The following BRCA2 variants were observed in gnomAD, a reference collection of about 807,000 sequenced individuals.
BRCA2 encodes the protein breast cancer type 2 susceptibility protein.
Under a neutral mutation model 276.7 loss-of-function variants are expected in BRCA2, and 203 were observed. The ratio of observed to expected loss-of-function variants is 0.73; its 90% CI spans 0.65 to 0.82. The LOEUF is 0.82. Ranked by LOEUF, BRCA2 falls within the 40% of genes least tolerant of loss-of-function variation. BRCA2 has a pLI of 0.00. For synonymous variants in BRCA2, 1,289 were observed against 1,338.4 expected (o/e 0.96, Z 0.81); for missense variants, 3,920 against 3,915.0 (o/e 1.00, Z -0.03).
At chr13:32,347,797 G>A (rs2137543287) in intron 13 of BRCA2, among the ~76,000 whole-genome samples, 1 of 152,240 alleles carries the variant, frequency 6.6e-6, no homozygotes, top group East Asian at 1.9e-4. Context: ...TGACAGTTGA[G>A]GATACTCAGA....
In BRCA2 at chr13:32,399,639, G is replaced by C. The variant is rs2073067842; in HGVS notation, c.*869G>C. The C allele has an allele frequency of 5.6e-6, 1 of 177,196 alleles. No homozygotes were observed. Among genetic ancestry groups the C allele is most frequent in the South Asian group, 2.0e-4 (1 of 5,012 alleles). The allele number at this position is 177,196 out of a possible 1,614,324, so 11.0% of individuals were successfully genotyped here. ...AAAATGGTCATCCAAACTCAAACTT[G>C]AGAAAATATCTTGCTTTCAAATTGG... On this transcript the variant is annotated 3_prime_UTR_variant, in exon 27 of 27. Coordinates refer to ENST00000380152, the MANE Select transcript of BRCA2 (RefSeq NM_000059.4).
At chr13:32,382,836 G>C (rs1461503267) in intron 24 of BRCA2, among the ~76,000 whole-genome samples, 9 of 152,220 alleles carry the variant, frequency 5.9e-5, no homozygotes, top group African/African-American at 2.2e-4. Context: ...AGGAACAGCT[G>C]TGGGGCACTG....
intron 4 of BRCA2, among the ~76,000 whole-genome samples, chr13:32,325,629 C>T (rs1244122671): frequency 6.6e-6 from 1 of 151,690 alleles, no homozygotes; most frequent in African/African-American, 2.4e-5. Context: ...CAAGCTCCGC[C>T]TCCCGGGTTC....
rs1454116100 is a variant in BRCA2 at position 32,346,817 on chromosome 13, T to C, written c.6938-10T>C. On this transcript the variant is annotated splice_polypyrimidine_tract_variant and intron_variant, in intron 12 of 26. Transcript: ENST00000380152. ...TAACTAATATGTAATATAAAATAAT[T>C]GTTTCCTAGGCACAATAAAAGATCG... The C allele has an allele frequency of 6.3e-7, 1 of 1,596,204 alleles. No homozygotes were observed. The highest frequency in any genetic ancestry group is 8.6e-7 in the Non-Finnish European group (1 of 1,167,092).
intron 7 of BRCA2, 46 bp from the exon 8 acceptor site, chr13:32,329,397 G>T: frequency 7.1e-7 from 1 of 1,405,130 alleles, no homozygotes; most frequent in Non-Finnish European, 9.9e-7. Flanking sequence ...ATAAGTTTTT[G>T]CATTCTAGTG....
chr13:32,367,640 C>G (rs1053327249), intron 18 of BRCA2, among the ~76,000 whole-genome samples: 4 of 151,876 alleles, frequency 2.6e-5, no homozygotes, highest in Non-Finnish European at 5.9e-5. Flanking sequence ...ACAAAAAATA[C>G]AAAAATTAAC....
intron 12 of BRCA2, among the ~76,000 whole-genome samples, chr13:32,345,800 A>G (rs2137539418): frequency 6.6e-6 from 1 of 152,142 alleles, no homozygotes; most frequent in East Asian, 1.9e-4. Context: ...TGCATAAGAC[A>G]ATTTAAATTG....
At chr13:32,373,467 C>A (rs985441522) in intron 20 of BRCA2, among the ~76,000 whole-genome samples, 1 of 151,864 alleles carries the variant, frequency 6.6e-6, no homozygotes, top group African/African-American at 2.4e-5. Flanking sequence ...AATCACACCA[C>A]TGCACTCTAG....
Position 32,339,274 on chromosome 13 carries a change from A to G in BRCA2, c.4919A>G (p.His1640Arg), listed in dbSNP as rs373483754. Residue 1640 changes from histidine (H) to arginine (R), a missense_variant, in exon 11 of 27, where the codon CAT (histidine) becomes CGT (arginine). Coordinates refer to ENST00000380152, the MANE Select transcript of BRCA2 (RefSeq NM_000059.4). ...AGTATCTTTTTGAAAGTTAAAGTAC[A>G]TGAAAATGTAGAAAAAGAAACAGCA... ...SKSIFLKVKV[H>R]ENVEKETAKS... is the part of the protein sequence containing the mutation. The G allele has an allele frequency of 1.9e-6, 3 of 1,609,418 alleles. No homozygotes were observed.
At chr13:32,342,001 G>A (rs2072574853) in intron 11 of BRCA2, among the ~76,000 whole-genome samples, 1 of 152,244 alleles carries the variant, frequency 6.6e-6, no homozygotes, top group Admixed American at 6.5e-5. Flanking sequence ...GGCTGGGCGT[G>A]GCGCTCATGC....
rs1245870071 is a variant in BRCA2 at position 32,367,663 on chromosome 13, CAT to C, written c.8332-2738_8332-2737del. On this transcript the variant is annotated intron_variant, in intron 18 of 26. Transcript: ENST00000380152. ...TACAAAAATTAACCAGGTGTGGTGGCATGTGCCTATAGTCCCAGCTACTTGAG... is the reference window on the plus strand; with the variant it reads ...TACAAAAATTAACCAGGTGTGGTGGCGTGCCTATAGTCCCAGCTACTTGAG... Among the ~76,000 whole-genome samples, 3 of 151,882 alleles carry C rather than the reference CAT, an allele frequency of 2.0e-5. No individual in the cohort carries two copies. The East Asian group carries it at 5.9e-4, about 30-fold the overall frequency.
chr13:32,383,643 T>G (rs1425058678), intron 24 of BRCA2, among the ~76,000 whole-genome samples: 1 of 152,068 alleles, frequency 6.6e-6, no homozygotes, highest in Non-Finnish European at 1.5e-5. Context: ...TGGGGGTATA[T>G]GCAAAAGGAG....
chr13:32,328,875 A>AGT lies in BRCA2; in HGVS notation c.632-551_632-550dup, dbSNP rs397843915. Among the ~76,000 whole-genome samples the AGT allele has an allele frequency of 0.14, 21,627 of 150,868 alleles. 1,689 individuals are homozygous for AGT. The highest frequency in any genetic ancestry group is 0.21 in the Middle Eastern group (62 of 290). On this transcript the variant is annotated intron_variant, in intron 7 of 26. Coordinates refer to ENST00000380152, the MANE Select transcript of BRCA2 (RefSeq NM_000059.4). The stretch of plus-strand genomic sequence containing the variant: ...TGCCCATGTGTGTGTGCAGTCATAA[A>AGT]GTGTGTGTGTGTGTGTGTATTTAAA...
Position 32,338,839 on chromosome 13 carries a change from T to A in BRCA2, c.4484T>A (p.Val1495Asp), listed in dbSNP as rs776538666. 1.2e-6 allele frequency: 2 copies of A among 1,613,824 alleles called. No individual in the cohort carries two copies. Among genetic ancestry groups the A allele is most frequent in the South Asian group, 2.2e-5 (2 of 91,060 alleles). ...AAACACAAAATACTGAAAGAAAGTG[T>A]CCCAGTTGGTACTGGAAATCAACTA... The part of the protein sequence containing the change: ...IVKHKILKES[V>D]PVGTGNQLVT... The change falls in exon 11 of 27, where the codon GTC (valine) becomes GAC (aspartate). Residue 1495 changes from valine to aspartate, a missense_variant. Val to Asp is a radical substitution (Grantham distance 152). Transcript: ENST00000380152.
intron 2 of BRCA2, among the ~76,000 whole-genome samples, chr13:32,317,188 G>T (rs2072269709): frequency 6.6e-6 from 1 of 152,176 alleles, no homozygotes; most frequent in Non-Finnish European, 1.5e-5. Flanking sequence ...CACATAGCAT[G>T]ACTCTGTCTC....
chr13:32,316,296 T>TA lies in BRCA2; in HGVS notation c.-39-125dup, dbSNP rs2072258214. The TA allele has an allele frequency of 4.3e-6, 3 of 701,290 alleles. No individual in the cohort carries two copies. In the East Asian group the frequency reaches 8.1e-5, roughly 19 times the overall value. 43.4% of individuals were successfully genotyped at this position (701,290 alleles called of 1,614,324 possible). On this transcript the variant is annotated intron_variant, in intron 1 of 26. Transcript: ENST00000380152. ...TGTTCCCATCCTCACAGTAAGCTGTTACCGTTCCAGGAGATGGGACTGAAT... is the reference window on the plus strand; with the variant it reads ...TGTTCCCATCCTCACAGTAAGCTGTTAACCGTTCCAGGAGATGGGACTGAAT...
At chr13:32,341,326 T>C (rs2072568094) in intron 11 of BRCA2, 130 bp downstream of exon 11, 3 of 1,299,512 alleles carry the variant, frequency 2.3e-6, no homozygotes, top group Non-Finnish European at 3.3e-6. Flanking sequence ...GTAGTCAGTT[T>C]GGGGGAGTAT....
intron 24 of BRCA2, among the ~76,000 whole-genome samples, chr13:32,387,315 G>C (rs2072967182): frequency 6.6e-6 from 1 of 152,180 alleles, no homozygotes; most frequent in Admixed American, 6.5e-5. Flanking sequence ...TTAGCTTTTA[G>C]TATTATTCTT....
intron 12 of BRCA2, among the ~76,000 whole-genome samples, chr13:32,345,581 T>C (rs2072605585): frequency 6.6e-6 from 1 of 152,060 alleles, no homozygotes; most frequent in Non-Finnish European, 1.5e-5. Context: ...CCTTAGAGTA[T>C]ATAGGTTGAG....
Sources: allele counts gnomAD v4.1 joint callset (sites outside exome capture counted in the v4.1 genomes callset), GRCh38; gene constraint gnomAD v4.1.1; transcripts MANE v1.5; gene names NCBI Gene and HGNC (gene_info 2026-07-23, HGNC 2026-07-21).